Variants in ASIC2 observed in about 807,000 individuals in gnomAD.
The protein encoded by ASIC2 is acid-sensing ion channel 2.
Under a neutral mutation model 57.3 loss-of-function variants are expected in ASIC2, and 25 were observed. The ratio of observed to expected loss-of-function variants is 0.44; its 90% confidence interval spans 0.32 to 0.61. The LOEUF (loss-of-function observed/expected upper bound fraction) is 0.61. Ranked by LOEUF, ASIC2 falls within the 20% of genes least tolerant of loss-of-function variation. The pLI, the probability that ASIC2 is intolerant of heterozygous loss-of-function variation, is 0.06. For missense variants in ASIC2, 641 were observed against 738.1 expected (o/e 0.87, Z 1.52); for synonymous variants, 319 against 307.5 (o/e 1.04, Z -0.39).
At chr17:34,071,326 A>G (rs758037550) in intron 1 of ASIC2, 4 of 152,082 alleles carry the variant, frequency 2.6e-5, no homozygotes, top group African/African-American at 4.8e-5. Flanking sequence ...CATCCTTCCC[A>G]TATGTAACTT....
At chr17:33,430,978 A>G (rs779156254) in intron 1 of ASIC2, among the ~76,000 whole-genome samples, 1 of 152,168 alleles carries the variant, frequency 6.6e-6, no homozygotes, top group Non-Finnish European at 1.5e-5. Flanking sequence ...ACAAACCACT[A>G]AAGACCACAA....
intron 1 of ASIC2, among the ~76,000 whole-genome samples, chr17:33,557,697 C>A (rs1915950001): frequency 6.6e-6 from 1 of 152,146 alleles, no homozygotes; most frequent in South Asian, 2.1e-4. Context: ...TATGATAACA[C>A]CAATGATCTC....
intron 3 of ASIC2, 123 bp downstream of exon 3, chr17:33,088,740 A>G: frequency 1.5e-6 from 2 of 1,350,176 alleles, no homozygotes; most frequent in Non-Finnish European, 1.9e-6. Flanking sequence ...GTTAGCCAAC[A>G]TCTTTCTCTA....
intron 1 of ASIC2, among the ~76,000 whole-genome samples, chr17:33,734,739 G>GT (rs1412397864): frequency 6.6e-6 from 1 of 152,114 alleles, no homozygotes; most frequent in Non-Finnish European, 1.5e-5. Flanking sequence ...ATCTTTCTCT[G>GT]TGCACACAGA....
intron 7 of ASIC2, among the ~76,000 whole-genome samples, chr17:33,019,848 G>A (rs151006885): frequency 9.2e-5 from 14 of 152,134 alleles, no homozygotes; most frequent in Non-Finnish European, 1.6e-4. Flanking sequence ...GTGAGAGAGA[G>A]AGAGAGAGAA....
At chr17:33,605,067 G>A (rs1905197349) in intron 1 of ASIC2, among the ~76,000 whole-genome samples, 1 of 151,940 alleles carries the variant, frequency 6.6e-6, no homozygotes, top group South Asian at 2.1e-4. Context: ...GGTAGACTTT[G>A]AATCTCCAGC....
chr17:33,337,474 G>A (rs1397937980), intron 1 of ASIC2, among the ~76,000 whole-genome samples: 1 of 150,032 alleles, frequency 6.7e-6, no homozygotes, highest in Non-Finnish European at 1.5e-5. Flanking sequence ...CTTCCTCCAA[G>A]CCCTGTGACC....
intron 1 of ASIC2, among the ~76,000 whole-genome samples, chr17:33,866,448 G>GA (rs1443405822): frequency 2.0e-5 from 3 of 150,730 alleles, no homozygotes; most frequent in Admixed American, 6.6e-5. Context: ...ATTTTTTTTT[G>GA]AAAAAACAAT....
intron 1 of ASIC2, among the ~76,000 whole-genome samples, chr17:34,110,067 A>G (rs947307881): frequency 6.6e-6 from 1 of 152,160 alleles, no homozygotes; most frequent in Admixed American, 6.5e-5. Context: ...TCTAATAAAT[A>G]GAACATCCAA....
intron 1 of ASIC2, among the ~76,000 whole-genome samples, chr17:33,516,438 G>A (rs1002211142): frequency 1.3e-5 from 2 of 149,364 alleles, no homozygotes; most frequent in Non-Finnish European, 3.0e-5. Flanking sequence ...GTATGGAGGA[G>A]GGGTGGTGAT....
chr17:33,953,632 A>T (rs1319966834), intron 1 of ASIC2, among the ~76,000 whole-genome samples: 1 of 152,186 alleles, frequency 6.6e-6, no homozygotes, highest in Non-Finnish European at 1.5e-5. Context: ...AATCTCAAAG[A>T]AGGATGAAGT....
chr17:33,533,392 C>A (rs764147288), intron 1 of ASIC2: 23 of 152,202 alleles, frequency 1.5e-4, no homozygotes, highest in Non-Finnish European at 3.1e-4. Context: ...TGTCCTGTCT[C>A]TCACATTCTA....
chr17:34,054,035 G>A (rs1211193184), intron 1 of ASIC2, among the ~76,000 whole-genome samples: 2 of 152,264 alleles, frequency 1.3e-5, no homozygotes, highest in Non-Finnish European at 2.9e-5. Context: ...AGACCTTGTA[G>A]AGTGGGAGTC....
intron 1 of ASIC2, among the ~76,000 whole-genome samples, chr17:33,774,426 G>T (rs1451052046): frequency 6.6e-6 from 1 of 152,158 alleles, no homozygotes; most frequent in Non-Finnish European, 1.5e-5. Flanking sequence ...CTTGGGCATA[G>T]ATATGGATGA....
At chr17:33,514,612 C>A (rs1030955196) in intron 1 of ASIC2, among the ~76,000 whole-genome samples, 8 of 152,204 alleles carry the variant, frequency 5.3e-5, no homozygotes, top group Admixed American at 1.3e-4. Context: ...CTTTCCAGGG[C>A]ATTTCCCCAG....
intron 1 of ASIC2, among the ~76,000 whole-genome samples, chr17:33,498,262 C>CCAAA (rs542862915): frequency 1.4e-4 from 22 of 152,318 alleles, no homozygotes; most frequent in African/African-American, 4.3e-4. Flanking sequence ...GAGCAATAAT[C>CCAAA]CAAAGCTGGT....
intron 1 of ASIC2, among the ~76,000 whole-genome samples, chr17:34,095,804 G>T (rs1327682057): frequency 6.7e-6 from 1 of 149,366 alleles, no homozygotes; most frequent in African/African-American, 2.5e-5. Flanking sequence ...GTTAGAGATG[G>T]GGAGGGTTCA....
intron 1 of ASIC2, among the ~76,000 whole-genome samples, chr17:33,535,182 C>A (rs1915187138): frequency 6.6e-6 from 1 of 151,990 alleles, no homozygotes; most frequent in Non-Finnish European, 1.5e-5. Flanking sequence ...GGTTGCCTGG[C>A]CAAAACCTGC....
At chr17:33,258,629 C>T (rs908464814) in intron 1 of ASIC2, among the ~76,000 whole-genome samples, 8 of 152,136 alleles carry the variant, frequency 5.3e-5, no homozygotes, top group Non-Finnish European at 1.2e-4. Flanking sequence ...GTTTGTGGAA[C>T]ACAGAGGAGG....
Sources: allele counts gnomAD v4.1 joint callset (sites outside exome capture counted in the v4.1 genomes callset), GRCh38; gene constraint gnomAD v4.1.1; transcripts MANE v1.5; gene names NCBI Gene and HGNC (gene_info 2026-07-23, HGNC 2026-07-21).